ACAP3: variants seen among roughly 807,000 people sequenced by gnomAD.
ACAP3 encodes the protein ArfGAP with coiled-coil, ankyrin repeat and PH domains 3.
In ACAP3, 56 loss-of-function variants were observed where a neutral mutation model predicts 104.1. That is an observed-to-expected ratio of 0.54 (90% CI 0.43 to 0.67). The LOEUF (loss-of-function observed/expected upper bound fraction) is 0.67, where lower values mean the gene tolerates loss of function less well. Among genes scored for constraint, ACAP3 ranks in the 30% least tolerant of loss-of-function variants. The pLI is 0.00. For synonymous variants in ACAP3, 628 were observed against 496.2 expected, an observed-to-expected ratio of 1.27 and a Z score of -3.53; for missense variants, 1,208 against 1,174.9, an observed-to-expected ratio of 1.03 and a Z score of -0.41.
chr1:1,293,561 G>A lies in ACAP3; in HGVS notation c.*3C>T, dbSNP rs1423749580. The A allele has an allele frequency of 1.4e-6, 2 of 1,478,580 alleles. No individual in the cohort carries two copies. Among genetic ancestry groups the A allele is most frequent in the Admixed American group, 4.4e-5 (2 of 44,992 alleles). 91.6% of individuals were successfully genotyped at this position (1,478,580 alleles called of 1,614,324 possible). On this transcript the variant is annotated 3_prime_UTR_variant, in exon 24 of 24. Transcript: ENST00000354700. ...GGGTGGCAGCTGCCCGGCCTGCCCG[G>A]CCCTAGCTCTCTTCCAGGTGGAGGC...
chr1:1,294,359 C>A, intron 21 of ACAP3, 43 bp downstream of exon 21: 1 of 1,538,916 alleles, frequency 6.5e-7, no homozygotes, highest in Admixed American at 2.0e-5. Flanking sequence ...GCAAACGCGA[C>A]TGTGCACCTG....
chr1:1,307,360 G>T (rs760591111), intron 1 of ACAP3: 1 of 1,289,970 alleles, frequency 7.8e-7, no homozygotes, highest in South Asian at 1.2e-5. Flanking sequence ...CGCGGCTCCA[G>T]CTGCCTGTTC....
At chr1:1,295,373 C>G in intron 19 of ACAP3, 74 bp downstream of exon 19, 1 of 1,406,264 alleles carries the variant, frequency 7.1e-7, no homozygotes, top group East Asian at 2.3e-5. Flanking sequence ...CAAGGGCCAT[C>G]CACACTCAGG....
rs1641812436 is a variant in ACAP3, at chr1:1,307,810, G to T, written c.6C>A (p.Thr2=). 2 of 1,067,316 alleles carry T rather than the reference G, an allele frequency of 1.9e-6. No homozygotes were observed. Among genetic ancestry groups the T allele is most frequent in the Admixed American group, 5.5e-5 (1 of 18,298 alleles). 66.1% of individuals were successfully genotyped at this position (1,067,316 alleles called of 1,614,324 possible). The change falls in exon 1 of 24, where the codon ACC becomes ACA. Residue 2 remains threonine (T), a synonymous_variant. Transcript: ENST00000354700. ...CCTTGACGCACTCCTCGAACTCCAC[G>T]GTCATGGCTGCGGCGGCCGCGGCGC... M[T]VEFEECVKDS...
At position 1,296,558 on chromosome 1, in the gene ACAP3, C is replaced by T. The variant is rs1425223611; in HGVS notation, c.1204G>A (p.Gly402Ser). 1.3e-6 allele frequency: 2 copies of T among 1,539,586 alleles called. No individual in the cohort carries two copies. The highest frequency in any genetic ancestry group is 1.4e-5 in the African/African-American group (1 of 73,036). ...TGCACACGCTGCAGCACACTCTCGC[C>T]CTTCACGCCACGCTCCCGAGTGTCG... The part of the protein sequence containing the change: ...ATDTRERGVK[G>S]ESVLQRVQSV... The change falls in exon 15 of 24, where the codon GGC becomes AGC. Residue 402 changes from glycine (G) to serine (S), a missense_variant. Gly to Ser is a moderately conservative substitution (Grantham distance 56). Transcript: ENST00000354700.
In ACAP3 at chr1:1,296,075, T is replaced by C. The variant is rs368122856; in HGVS notation, c.1442A>G (p.Gln481Arg). The change falls in exon 17 of 24, where the codon CAG (glutamine) becomes CGG (arginine). Residue 481 changes from glutamine (Q) to arginine (R), a missense_variant. Transcript: ENST00000354700. The part of the protein sequence containing the change: ...MCELGNSAVN[Q>R]IYEAQCEGAG... ...ACCCTCACACTGGGCCTCATAGATC[T>C]GATTCACAGCGCTGTTTCCAAGCTC... 1.2e-6 allele frequency: 2 copies of C among 1,612,756 alleles called. No individual in the cohort carries two copies. Among genetic ancestry groups the C allele is most frequent in the Non-Finnish European group, 1.7e-6 (2 of 1,179,956 alleles).
At chr1:1,306,904 C>A (rs1185806369) in intron 1 of ACAP3, among the ~76,000 whole-genome samples, 1 of 152,220 alleles carries the variant, frequency 6.6e-6, no homozygotes, top group Non-Finnish European at 1.5e-5. Flanking sequence ...CTTGCGTGCA[C>A]TCATCGGCAG....
Position 1,296,001 on chromosome 1 carries a change from G to A in ACAP3, c.1502+14C>T. On this transcript the variant is annotated intron_variant, in intron 17 of 23. Coordinates refer to ENST00000354700, the MANE Select transcript of ACAP3 (RefSeq NM_030649.3). Reference sequence around the variant, plus strand: ...TGGGGCTCCCTGACTGATCCAGACTGTACCCCACCTCACCGGGAGCTGCTG... The same window carrying A: ...TGGGGCTCCCTGACTGATCCAGACTATACCCCACCTCACCGGGAGCTGCTG... 1 of 1,612,758 alleles carries A rather than the reference G, an allele frequency of 6.2e-7. No individual in the cohort carries two copies. The highest frequency in any genetic ancestry group is 1.1e-5 in the South Asian group (1 of 91,088).
intron 11 of ACAP3, 24 bp from the exon 12 acceptor site, chr1:1,298,445 G>A: frequency 6.3e-7 from 1 of 1,595,680 alleles, no homozygotes; most frequent in Non-Finnish European, 8.5e-7. Flanking sequence ...GGGATGTGGG[G>A]AGTCAGGCGG....
rs1043439364 is a variant in ACAP3, at chr1:1,294,770, C to G, written c.1860G>C (p.Ser620=). ...AGCCCGAGCCGAAAGCCAGGACGTC[C>G]GAGCTGCCATCCGAGCTGCCCCCAA... is the stretch of plus-strand genomic sequence containing the variant. ...SGLGGSSDGS[S]DVLAFGSGSV... is the part of the protein sequence containing the mutation. The change falls in exon 20 of 24, where the codon TCG becomes TCC. Residue 620 remains serine (S), a synonymous_variant. Coordinates refer to ENST00000354700, the MANE Select transcript of ACAP3 (RefSeq NM_030649.3). The G allele has an allele frequency of 1.3e-6, 2 of 1,549,748 alleles. No homozygotes were observed. The highest frequency in any genetic ancestry group is 3.9e-5 in the Admixed American group (2 of 50,976).
intron 9 of ACAP3, 30 bp downstream of exon 9, chr1:1,299,801 G>T: frequency 6.5e-7 from 1 of 1,536,606 alleles, no homozygotes; most frequent in South Asian, 1.2e-5. Context: ...CAGGCGCCTG[G>T]TGTGCAGGGA....
intron 5 of ACAP3, 42 bp downstream of exon 5, chr1:1,301,946 C>T (rs762597344): frequency 2.6e-6 from 4 of 1,514,702 alleles, no homozygotes; most frequent in Admixed American, 2.2e-5. Flanking sequence ...AGGGAGGGAG[C>T]GTGGCCTCAG....
Position 1,298,436 on chromosome 1 carries a change from G to A in ACAP3, c.864-15C>T, listed in dbSNP as rs529948934. The A allele has an allele frequency of 4.4e-6, 7 of 1,598,000 alleles. No individual in the cohort carries two copies. The South Asian group carries it at 4.5e-5, about 10-fold the overall frequency. ...AGAACCAGCGCCTAGGTGGGTGGGG[G>A]GATGTGGGGAGTCAGGCGGGGCCCA... On this transcript the variant is annotated splice_polypyrimidine_tract_variant and intron_variant, in intron 11 of 23. Coordinates refer to ENST00000354700, the MANE Select transcript of ACAP3 (RefSeq NM_030649.3).
intron 5 of ACAP3, 24 bp from the exon 6 acceptor site, chr1:1,300,716 G>T (rs1401639902): frequency 6.3e-7 from 1 of 1,596,566 alleles, no homozygotes; most frequent in East Asian, 2.3e-5. Context: ...GCCAGGTGGG[G>T]TGAGAGATCA....
At position 1,307,789 on chromosome 1, in the gene ACAP3, G is replaced by C. The variant is rs999961118; in HGVS notation, c.27C>G (p.Val9=). 8.3e-6 allele frequency: 9 copies of C among 1,087,114 alleles called. No individual in the cohort carries two copies. In the African/African-American group the frequency reaches 1.2e-4, roughly 14 times the overall value. 67.3% of individuals were successfully genotyped at this position (1,087,114 alleles called of 1,614,324 possible). Residue 9 remains valine (V), a synonymous_variant, in exon 1 of 24, where the codon GTC becomes GTG. Transcript: ENST00000354700. Reference sequence around the variant, plus strand: ...CGCACCTGAAGCGCGGGGAGTCCTTGACGCACTCCTCGAACTCCACGGTCA... The same window carrying C: ...CGCACCTGAAGCGCGGGGAGTCCTTCACGCACTCCTCGAACTCCACGGTCA... MTVEFEEC[V]KDSPRFRATI... is the part of the protein sequence containing the mutation.
chr1:1,299,693 G>T, intron 9 of ACAP3, 138 bp downstream of exon 9: 1 of 1,044,244 alleles, frequency 9.6e-7, no homozygotes, highest in Non-Finnish European at 1.4e-6. Context: ...AGCAGCCTTG[G>T]TCCCCTAGAG....
chr1:1,295,017 G>T lies in ACAP3; in HGVS notation c.1814-201C>A, dbSNP rs1178803259. The T allele has an allele frequency of 6.7e-6, 4 of 593,194 alleles. No individual in the cohort carries two copies. In the African/African-American group the frequency reaches 7.5e-5, roughly 11 times the overall value. 36.7% of individuals were successfully genotyped at this position (593,194 alleles called of 1,614,324 possible). On this transcript the variant is annotated intron_variant, in intron 19 of 23. Transcript: ENST00000354700. Reference sequence around the variant, plus strand: ...AAATAACAGCTCAAAGGTGCCAGGGGTAGCCCCCTAAAGCCCAGGCCTTTT... The same window carrying T: ...AAATAACAGCTCAAAGGTGCCAGGGTTAGCCCCCTAAAGCCCAGGCCTTTT...
In ACAP3 at chr1:1,294,774, C is replaced by G. The variant is rs1157929725; in HGVS notation, c.1856G>C (p.Ser619Thr). ...CGAGCCGAAAGCCAGGACGTCCGAG[C>G]TGCCATCCGAGCTGCCCCCAAGGCC... is the stretch of plus-strand genomic sequence containing the variant. ...DSGLGGSSDG[S>T]SDVLAFGSGS... The change falls in exon 20 of 24, where the codon AGC (serine) becomes ACC (threonine). Residue 619 changes from serine to threonine, a missense_variant. By Grantham distance (58) the Ser-to-Thr change is moderately conservative. Coordinates refer to ENST00000354700, the MANE Select transcript of ACAP3 (RefSeq NM_030649.3). 6.5e-7 allele frequency: 1 copy of G among 1,549,808 alleles called. No individual in the cohort carries two copies. Among genetic ancestry groups the G allele is most frequent in the Admixed American group, 2.0e-5 (1 of 50,976 alleles).
chr1:1,294,530 A>G lies in ACAP3; in HGVS notation c.2011T>C (p.Leu671=). 1 of 1,499,128 alleles carries G rather than the reference A, an allele frequency of 6.7e-7. No homozygotes were observed. Among genetic ancestry groups the G allele is most frequent in the Non-Finnish European group, 8.8e-7 (1 of 1,134,344 alleles). 92.9% of individuals were successfully genotyped at this position (1,499,128 alleles called of 1,614,324 possible). A position where few individuals can be genotyped will look rare whatever the true frequency, so the allele number is the denominator to read the frequency against. Residue 671 remains leucine (L), a synonymous_variant, in exon 21 of 24, where the codon TTG becomes CTG. Transcript: ENST00000354700. Reference sequence around the variant, plus strand: ...CGGGCACGCGCTGCGCGGTGCGCCAAGAGCCCCGGGTGCAGCTCGCGCACG... The same window carrying G: ...CGGGCACGCGCTGCGCGGTGCGCCAGGAGCCCCGGGTGCAGCTCGCGCACG... ...ADVRELHPGL[L]AHRAARARDL...
Sources: gnomAD v4.1 joint callset for allele counts (sites outside exome capture counted in the v4.1 genomes callset) on GRCh38, gnomAD v4.1.1 for gene constraint, MANE v1.5 for transcripts, NCBI Gene and HGNC (gene_info 2026-07-23, HGNC 2026-07-21) for gene names.